Variants in DIP2C observed in about 807,000 individuals in gnomAD.
DIP2C encodes the protein disco-interacting protein 2 homolog C.
DIP2C carries 33 observed loss-of-function variants against 192.4 expected under a neutral mutation model. That is an observed-to-expected ratio of 0.17 (90% CI 0.13 to 0.23). DIP2C has a LOEUF of 0.23. Ranked by LOEUF, DIP2C falls within the 10% of genes least tolerant of loss-of-function variation. The probability of loss-of-function intolerance (pLI) is 1.00; values close to 1 mark genes in which losing one functional copy is unlikely to be tolerated. For synonymous variants in DIP2C, 979 were observed against 864.1 expected (o/e 1.13, Z -2.33); for missense variants, 1,537 against 2,110.1 (o/e 0.73, Z 5.32).
chr10:337,169 G>T (rs1277995450), intron 29 of DIP2C, among the ~76,000 whole-genome samples: 1 of 140,222 alleles, frequency 7.1e-6, no homozygotes, highest in Non-Finnish European at 1.5e-5. Context: ...AGGCTGATGT[G>T]TGCATGCGTG....
intron 5 of DIP2C, among the ~76,000 whole-genome samples, chr10:419,621 A>C (rs1446447948): frequency 6.6e-6 from 1 of 152,178 alleles, no homozygotes; most frequent in East Asian, 1.9e-4. Context: ...ATGTCCCTTA[A>C]GCTCTCCGTG....
intron 1 of DIP2C, among the ~76,000 whole-genome samples, chr10:603,127 TTAA>T (rs1176164126): frequency 1.3e-5 from 2 of 151,762 alleles, no homozygotes; most frequent in Non-Finnish European, 1.5e-5. Flanking sequence ...GTCATTTGTG[TTAA>T]TAAAGTCTGC....
chr10:539,812 T>C (rs1033785600), intron 1 of DIP2C, among the ~76,000 whole-genome samples: 4 of 152,290 alleles, frequency 2.6e-5, no homozygotes, highest in East Asian at 3.9e-4. Context: ...TAAAGTGAAA[T>C]AACAGTTTTC....
intron 32 of DIP2C, among the ~76,000 whole-genome samples, chr10:302,420 G>A (rs972002789): frequency 6.6e-5 from 10 of 152,216 alleles, no homozygotes; most frequent in Admixed American, 3.9e-4. Flanking sequence ...AAACCACCCT[G>A]AGGCTCAGCT....
At chr10:613,100 G>C (rs774038581) in intron 1 of DIP2C, among the ~76,000 whole-genome samples, 2 of 152,198 alleles carry the variant, frequency 1.3e-5, no homozygotes, top group Non-Finnish European at 2.9e-5. Flanking sequence ...TCTAAGGAGA[G>C]CTACAGGCTG....
intron 36 of DIP2C, among the ~76,000 whole-genome samples, chr10:278,240 G>C (rs1189544022): frequency 2.0e-5 from 3 of 152,240 alleles, no homozygotes; most frequent in Non-Finnish European, 4.4e-5. Flanking sequence ...CAGCTCTGCT[G>C]CTGAGGGCCG....
rs369283403 is a variant in DIP2C at position 382,635 on chromosome 10, A to T, written c.1991+12T>A. Reference sequence around the variant, plus strand: ...CTCTAGGTTATCTACGTAAATCAACATGACCCAGTACCTCCGGATGGCCAC... The same window carrying T: ...CTCTAGGTTATCTACGTAAATCAACTTGACCCAGTACCTCCGGATGGCCAC... On this transcript the variant is annotated intron_variant, in intron 17 of 36. Coordinates refer to ENST00000280886, the MANE Select transcript of DIP2C (RefSeq NM_014974.3). The T allele has an allele frequency of 6.2e-5, 100 of 1,603,236 alleles. No individual in the cohort carries two copies. Among genetic ancestry groups the T allele is most frequent in the Non-Finnish European group, 8.4e-5 (98 of 1,171,254 alleles).
At chr10:356,951 T>G (rs1469399039) in intron 23 of DIP2C, among the ~76,000 whole-genome samples, 2 of 152,230 alleles carry the variant, frequency 1.3e-5, no homozygotes, top group Non-Finnish European at 2.9e-5. Context: ...AAAAGCGGGA[T>G]CTAATAAATT....
intron 36 of DIP2C, 67 bp downstream of exon 36, chr10:281,133 T>G: frequency 1.3e-6 from 2 of 1,594,236 alleles, no homozygotes; most frequent in Non-Finnish European, 1.7e-6. Flanking sequence ...CGCCGTGCTC[T>G]CCACATTCTC....
intron 1 of DIP2C, among the ~76,000 whole-genome samples, chr10:669,945 G>C (rs1240306480): frequency 2.0e-5 from 3 of 152,016 alleles, no homozygotes; most frequent in African/African-American, 7.3e-5. Context: ...TTGTTTTTAG[G>C]GATTCCTGAT....
chr10:363,068 C>T lies in DIP2C; in HGVS notation c.2592+129G>A. On this transcript the variant is annotated intron_variant, in intron 21 of 36. Coordinates refer to ENST00000280886, the MANE Select transcript of DIP2C (RefSeq NM_014974.3). This position sits in a 1 kb window ranked among gnomAD's most constrained non-coding sequence, Gnocchi z 5.4. ...CTGGACACTTGATGTAGTTCCTGATCAAATGAAGGGAAGGGAAAAAGGGCC... is the reference window on the plus strand; with the variant it reads ...CTGGACACTTGATGTAGTTCCTGATTAAATGAAGGGAAGGGAAAAAGGGCC... 1.3e-6 allele frequency: 1 copy of T among 753,490 alleles called. No individual in the cohort carries two copies. The highest frequency in any genetic ancestry group is 2.1e-6 in the Non-Finnish European group (1 of 469,094). 46.7% of individuals were successfully genotyped at this position (753,490 alleles called of 1,614,324 possible).
In DIP2C at chr10:478,799, C is replaced by T. The variant is rs990520737; in HGVS notation, c.158-6250G>A. Reference sequence around the variant, plus strand: ...CAGGCGTGCAGATACATCCAAATTCCCATCTTATTCTCACTCATCGCGTGT... The same window carrying T: ...CAGGCGTGCAGATACATCCAAATTCTCATCTTATTCTCACTCATCGCGTGT... On this transcript the variant is annotated intron_variant, in intron 2 of 36. Coordinates refer to ENST00000280886, the MANE Select transcript of DIP2C (RefSeq NM_014974.3). 2.6e-5 allele frequency among the ~76,000 whole-genome samples: 4 copies of T among 151,940 alleles called. No individual in the cohort carries two copies. The East Asian group carries it at 7.7e-4, about 29-fold the overall frequency.
chr10:321,587 C>T (rs1245221800), intron 31 of DIP2C, among the ~76,000 whole-genome samples: 2 of 144,618 alleles, frequency 1.4e-5, no homozygotes, highest in African/African-American at 5.4e-5. Context: ...GTGCGGGGCT[C>T]CAGCGAGAGA....
intron 1 of DIP2C, among the ~76,000 whole-genome samples, chr10:644,660 C>G (rs1855364665): frequency 1.3e-5 from 2 of 151,924 alleles, no homozygotes; most frequent in African/African-American, 4.8e-5. Flanking sequence ...AACACGGCCC[C>G]CAAATCTCAG....
chr10:277,558 T>C lies in DIP2C; in HGVS notation c.4438A>G (p.Asn1480Asp). ...AGCTCAACCACAACCACCAACAAATTTGTCCAGGTAAACACAGCACTAAAA... is the reference window on the plus strand; with the variant it reads ...AGCTCAACCACAACCACCAACAAATCTGTCCAGGTAAACACAGCACTAAAA... ...VTECAVFTWT[N>D]LLVVVVELDG... The change falls in exon 37 of 37, where the codon AAT (asparagine) becomes GAT (aspartate). Residue 1480 changes from asparagine to aspartate, a missense_variant. This residue lies in a region of DIP2C where 341 missense variants were observed against 551.7 expected (regional missense o/e 0.62). Transcript: ENST00000280886. 1 of 1,614,006 alleles carries C rather than the reference T, an allele frequency of 6.2e-7. No individual in the cohort carries two copies. Among genetic ancestry groups the C allele is most frequent in the Non-Finnish European group, 8.5e-7 (1 of 1,180,012 alleles).
At chr10:542,698 C>T (rs1264513388) in intron 1 of DIP2C, among the ~76,000 whole-genome samples, 1 of 150,808 alleles carries the variant, frequency 6.6e-6, no homozygotes, top group Non-Finnish European at 1.5e-5. Flanking sequence ...TGACCCTGTC[C>T]CTCTCTATAC....
chr10:328,250 C>G (rs1221608903), intron 30 of DIP2C, among the ~76,000 whole-genome samples: 2 of 152,200 alleles, frequency 1.3e-5, no homozygotes, highest in Non-Finnish European at 2.9e-5. Context: ...ATTACATATT[C>G]ACACGCGCGC....
rs183935430 is a variant in DIP2C, at chr10:445,334, C to G, written c.269-4338G>C. Among the ~76,000 whole-genome samples, 19 of 152,030 alleles carry G rather than the reference C, an allele frequency of 1.2e-4. No homozygotes were observed. The East Asian group carries it at 3.1e-3, about 25-fold the overall frequency. ...TATACATCTGTTGTGAAGAGTCTGT[C>G]TTGCACTGGACATCTGTATACATCT... On this transcript the variant is annotated intron_variant, in intron 3 of 36. Transcript: ENST00000280886.
At chr10:428,008 T>C (rs1302899868) in intron 4 of DIP2C, among the ~76,000 whole-genome samples, 1 of 152,190 alleles carries the variant, frequency 6.6e-6, no homozygotes, top group African/African-American at 2.4e-5. Flanking sequence ...AAAGAATGAA[T>C]AACCAACTGG....
Sources: allele counts gnomAD v4.1 joint callset (sites outside exome capture counted in the v4.1 genomes callset), GRCh38; gene constraint gnomAD v4.1.1; regional missense constraint gnomAD v4.1.1; non-coding constraint Gnocchi (gnomAD v3.1); transcripts MANE v1.5; gene names NCBI Gene and HGNC (gene_info 2026-07-23, HGNC 2026-07-21).